The following IL1RAPL2 variants were observed in gnomAD, a reference collection of about 807,000 sequenced individuals.
IL1RAPL2 encodes interleukin 1 receptor accessory protein like 2.
IL1RAPL2 carries 3 observed loss-of-function variants against 44.1 expected under a neutral mutation model. The observed-to-expected ratio is 0.07, with a 90% CI of 0.03 to 0.18. The LOEUF is 0.18. Among genes scored for constraint, IL1RAPL2 ranks in the 10% least tolerant of loss-of-function variants. IL1RAPL2 has a pLI of 1.00. For synonymous variants in IL1RAPL2, 181 were observed against 178.8 expected, an observed-to-expected ratio of 1.01 and a Z score of -0.10; for missense variants, 391 against 496.4, an observed-to-expected ratio of 0.79 and a Z score of 2.02.
chrX:105,323,294 G>T (rs2034910155), intron 5 of IL1RAPL2, among the ~76,000 whole-genome samples: 2 of 111,767 alleles, frequency 1.8e-5, no homozygotes, highest in South Asian at 7.4e-4. Flanking sequence ...CAAAGTGTTC[G>T]TTTCTTTTTA....
chrX:104,779,726 A>G (rs1932760295), intron 2 of IL1RAPL2, among the ~76,000 whole-genome samples: 1 of 111,731 alleles, frequency 9.0e-6, no homozygotes, highest in Non-Finnish European at 1.9e-5. Context: ...AGGAAAAATT[A>G]GGGACCAGGT....
chrX:105,183,254 A>G (rs1485624951), intron 2 of IL1RAPL2, among the ~76,000 whole-genome samples: 1 of 110,989 alleles, frequency 9.0e-6, no homozygotes, highest in Non-Finnish European at 1.9e-5. Context: ...GCGGGGGGGC[A>G]ATGGTTGGTG....
intron 2 of IL1RAPL2, among the ~76,000 whole-genome samples, chrX:104,823,707 G>C (rs931229498): frequency 9.0e-6 from 1 of 110,976 alleles, no homozygotes; most frequent in African/African-American, 3.3e-5. Flanking sequence ...CTAGTTTACA[G>C]TCCCACCAAC....
At chrX:104,700,854 T>G (rs865959548) in intron 2 of IL1RAPL2, among the ~76,000 whole-genome samples, 46 of 111,954 alleles carry the variant, frequency 4.1e-4, no homozygotes, top group African/African-American at 1.4e-3. Flanking sequence ...CCAGGGCCGT[T>G]ATGTGTATCT....
At position 105,672,190 on chromosome X, in the gene IL1RAPL2, A is replaced by G. The variant is rs148756079; in HGVS notation, c.773-45177A>G. On this transcript the variant is annotated intron_variant, in intron 6 of 10. Coordinates refer to ENST00000372582, the MANE Select transcript of IL1RAPL2 (RefSeq NM_017416.2). ...TTATCTTTGTTCATTTTTTTTTGAG[A>G]TTTTCCTATTTTTGGTATAACTACT... Among the ~76,000 whole-genome samples, 21 of 109,701 alleles carry G rather than the reference A, an allele frequency of 1.9e-4. 1 individual carries two copies. In the East Asian group the frequency reaches 6.0e-3, roughly 31 times the overall value.
At chrX:105,357,481 A>AT (rs1365263973) in intron 5 of IL1RAPL2, among the ~76,000 whole-genome samples, 1 of 111,672 alleles carries the variant, frequency 9.0e-6, no homozygotes, top group Non-Finnish European at 1.9e-5. Context: ...TTGCACACAA[A>AT]TTTTTAGTCT....
intron 2 of IL1RAPL2, among the ~76,000 whole-genome samples, chrX:105,102,281 A>G (rs2032680423): frequency 8.9e-6 from 1 of 111,810 alleles, no homozygotes; most frequent in Non-Finnish European, 1.9e-5. Context: ...ATGCTAGGCC[A>G]GGAGGTAAAT....
chrX:104,801,749 A>G (rs1349760232), intron 2 of IL1RAPL2, among the ~76,000 whole-genome samples: 2 of 111,283 alleles, frequency 1.8e-5, no homozygotes, highest in African/African-American at 3.3e-5. Context: ...TGTAATTGGT[A>G]CTCAGAACAC....
At chrX:105,348,682 C>T (rs1389387283) in intron 5 of IL1RAPL2, among the ~76,000 whole-genome samples, 1 of 111,424 alleles carries the variant, frequency 9.0e-6, no homozygotes, top group African/African-American at 3.3e-5. Context: ...GGAGGAAAGG[C>T]TTTATTCAGG....
chrX:105,335,126 C>G (rs1186137822), intron 5 of IL1RAPL2, among the ~76,000 whole-genome samples: 1 of 110,366 alleles, frequency 9.1e-6, no homozygotes, highest in East Asian at 2.9e-4. Context: ...CTCCCATATT[C>G]CAAGGACTTC....
intron 2 of IL1RAPL2, among the ~76,000 whole-genome samples, chrX:104,948,789 G>T (rs911132889): frequency 1.8e-5 from 2 of 109,215 alleles, no homozygotes; most frequent in African/African-American, 6.6e-5. Context: ...TGGTGGATAA[G>T]CTTTTTGATG....
chrX:105,480,210 T>C (rs1339218971), intron 5 of IL1RAPL2, among the ~76,000 whole-genome samples: 3 of 112,289 alleles, frequency 2.7e-5, no homozygotes, highest in African/African-American at 9.7e-5. Context: ...AGTCTACTTA[T>C]TTTTTATACT....
At chrX:105,345,514 A>G (rs2035104219) in intron 5 of IL1RAPL2, among the ~76,000 whole-genome samples, 1 of 111,730 alleles carries the variant, frequency 9.0e-6, no homozygotes, top group South Asian at 3.7e-4. Context: ...TGATGCTTTA[A>G]TACTTTGAAG....
chrX:105,502,479 T>C (rs1000030305), intron 6 of IL1RAPL2, among the ~76,000 whole-genome samples: 2 of 111,582 alleles, frequency 1.8e-5, no homozygotes, highest in Non-Finnish European at 3.8e-5. Flanking sequence ...CTAATCACTA[T>C]GTAAAATGAG....
intron 6 of IL1RAPL2, among the ~76,000 whole-genome samples, chrX:105,666,058 G>A (rs1299425922): frequency 9.9e-6 from 1 of 100,801 alleles, no homozygotes; most frequent in African/African-American, 3.9e-5. Context: ...CACCGCGCCC[G>A]GCCGTAATAG....
chrX:104,870,750 C>G, intron 2 of IL1RAPL2, among the ~76,000 whole-genome samples: 1 of 111,993 alleles, frequency 8.9e-6, no homozygotes, highest in African/African-American at 3.2e-5. Flanking sequence ...CTTACTGGCT[C>G]TTCTGGAACT....
intron 6 of IL1RAPL2, among the ~76,000 whole-genome samples, chrX:105,497,602 CCAGA>C (rs992887870): frequency 5.4e-5 from 6 of 111,625 alleles, no homozygotes; most frequent in African/African-American, 1.6e-4. Flanking sequence ...AATACTAAGG[CCAGA>C]CAAAGACACT....
At chrX:104,966,913 C>A (rs2030134662) in intron 2 of IL1RAPL2, among the ~76,000 whole-genome samples, 1 of 112,136 alleles carries the variant, frequency 8.9e-6, no homozygotes, top group African/African-American at 3.2e-5. Context: ...TTTCAAGTGT[C>A]ACAAAATCTA....
chrX:104,658,910 A>T lies in IL1RAPL2; in HGVS notation c.-4A>T. 1 of 1,198,377 alleles carries T rather than the reference A, an allele frequency of 8.3e-7. No homozygotes were observed. The highest frequency in any genetic ancestry group is 1.1e-6 in the Non-Finnish European group (1 of 885,179). ...GACTTTTCAGCTGTCAAGAAAAGTG[A>T]AGGATGAAGCCACCATTTCTTTTGG... On this transcript the variant is annotated 5_prime_UTR_variant, in exon 2 of 11. Transcript: ENST00000372582.
Sources: gnomAD v4.1 joint callset for allele counts (sites outside exome capture counted in the v4.1 genomes callset) on GRCh38, gnomAD v4.1.1 for gene constraint, MANE v1.5 for transcripts, NCBI Gene and HGNC (gene_info 2026-07-23, HGNC 2026-07-21) for gene names.